The following PIK3C2B variants were observed in gnomAD, a reference collection of about 807,000 sequenced individuals.
PIK3C2B encodes the protein phosphatidylinositol-4-phosphate 3-kinase catalytic subunit type 2 beta, also known as phosphatidylinositol 4-phosphate 3-kinase C2 domain-containing subunit beta.
A neutral mutation model predicts 184.3 loss-of-function variants in PIK3C2B; 83 were observed. The ratio of observed to expected loss-of-function variants is 0.45; its 90% CI spans 0.38 to 0.54. The LOEUF is 0.54. PIK3C2B is among the 20% of genes least tolerant of loss of function. PIK3C2B has a pLI of 0.00. For missense variants in PIK3C2B, 1,736 were observed against 2,113.5 expected (o/e 0.82, Z 3.50); for synonymous variants, 779 against 837.6 (o/e 0.93, Z 1.21).
intron 10 of PIK3C2B, chr1:204,456,391 TA>T: frequency 5.4e-6 from 1 of 186,260 alleles, no homozygotes; most frequent in Non-Finnish European, 1.1e-5. Flanking sequence ...TTTGGCCAAG[TA>T]AAAGGCTGCC....
In PIK3C2B at chr1:204,445,999, T is replaced by A; in HGVS notation, c.2635A>T (p.Thr879Ser). 1 of 1,585,008 alleles carries A rather than the reference T, an allele frequency of 6.3e-7. No individual in the cohort carries two copies. The highest frequency in any genetic ancestry group is 8.6e-7 in the Non-Finnish European group (1 of 1,161,104). ...AGGGCATCCTGGTGGTTCATGTGGG[T>A]CCACTGCTTCAGGAGAACATAGATG... ...PDIYVLLKQW[T>S]HMNHQDALGL... is the part of the protein sequence containing the mutation. The change falls in exon 16 of 33, where the codon ACC (threonine) becomes TCC (serine). Residue 879 changes from threonine to serine, a missense_variant. By Grantham distance (58) the Thr-to-Ser change is moderately conservative. Around this residue, in one of 8 missense-constraint regions of PIK3C2B, gnomAD observed 609 missense variants for 699.2 expected, o/e 0.87. Coordinates refer to ENST00000684373, the MANE Select transcript of PIK3C2B (RefSeq NM_001377334.1).
At chr1:204,437,856 G>T (rs1675437370) in intron 23 of PIK3C2B, among the ~76,000 whole-genome samples, 1 of 152,190 alleles carries the variant, frequency 6.6e-6, no homozygotes, top group African/African-American at 2.4e-5. Flanking sequence ...GTGAAACGTA[G>T]GTGGAAAAGT....
At position 204,493,538 on chromosome 1, in the gene PIK3C2B, C is replaced by CACACACACACACACACACACACAT. The variant is rs1658154314; in HGVS notation, c.-85+817_-85+818insATGTGTGTGTGTGTGTGTGTGTGT. On this transcript the variant is annotated intron_variant, in intron 1 of 32. Transcript: ENST00000684373. ...CAATGGCAGAAAACACACACACACA[C>CACACACACACACACACACACACAT]ACACACACACACACACTTCAACATC... Among the ~76,000 whole-genome samples, 9 of 151,762 alleles carry CACACACACACACACACACACACAT rather than the reference C, an allele frequency of 5.9e-5. No individual in the cohort carries two copies. In the South Asian group the frequency reaches 1.5e-3, roughly 25 times the overall value.
chr1:204,455,657 T>G (rs1654787335), intron 11 of PIK3C2B, among the ~76,000 whole-genome samples, 199 bp downstream of exon 11: 1 of 152,126 alleles, frequency 6.6e-6, no homozygotes, highest in Admixed American at 6.5e-5. Context: ...CTAAGGGACC[T>G]CCTCTCTCCT....
In PIK3C2B at chr1:204,457,797, G is replaced by A; in HGVS notation, c.1644C>T (p.Thr548=). ...GGTTGAGAGCACTGGTGATCTCAGG[G>A]GTTTCCACGGCGGCCAGGGCGTTGC... is the stretch of plus-strand genomic sequence containing the variant. ...AICNALAAVE[T]PEITSALNQL... is the part of the protein sequence containing the mutation. The change falls in exon 9 of 33, where the codon ACC becomes ACT. Residue 548 remains threonine (T), a synonymous_variant. Transcript: ENST00000684373. 1 of 1,613,202 alleles carries A rather than the reference G, an allele frequency of 6.2e-7. No individual in the cohort carries two copies. Among genetic ancestry groups the A allele is most frequent in the South Asian group, 1.1e-5 (1 of 90,836 alleles).
intron 23 of PIK3C2B, among the ~76,000 whole-genome samples, chr1:204,436,921 CAT>C (rs1347252106): frequency 2.0e-5 from 3 of 152,090 alleles, no homozygotes; most frequent in Non-Finnish European, 2.9e-5. Flanking sequence ...AAATGTATAG[CAT>C]AGAGTGGCAG....
At chr1:204,492,706 AC>A (rs1219645528) in intron 1 of PIK3C2B, among the ~76,000 whole-genome samples, 4 of 152,022 alleles carry the variant, frequency 2.6e-5, no homozygotes, top group Non-Finnish European at 5.9e-5. Context: ...AGATAAACTG[AC>A]CCTTCCTCAC....
At chr1:204,488,387 A>G (rs1338758247) in intron 1 of PIK3C2B, among the ~76,000 whole-genome samples, 1 of 152,230 alleles carries the variant, frequency 6.6e-6, no homozygotes, top group African/African-American at 2.4e-5. Context: ...CCTTGCATTC[A>G]ACTAGAGAAT....
At chr1:204,428,786 T>C (rs1674882553) in intron 29 of PIK3C2B, 1 of 352,936 alleles carries the variant, frequency 2.8e-6, no homozygotes, top group Non-Finnish European at 5.7e-6. Flanking sequence ...CCTGGCATGT[T>C]ATTTATTTTA....
rs1438433695 is a variant in PIK3C2B at position 204,424,834 on chromosome 1, G to A, written c.*18C>T. On this transcript the variant is annotated 3_prime_UTR_variant, in exon 33 of 33. Transcript: ENST00000684373. ...TCCTGCCACCAGCCTGGGATGCTGG[G>A]TGGTGGCTCTGCTGGGCTCACAAGG... is the stretch of plus-strand genomic sequence containing the variant. 5 of 1,612,338 alleles carry A rather than the reference G, an allele frequency of 3.1e-6. No homozygotes were observed. Among genetic ancestry groups the A allele is most frequent in the Middle Eastern group, 1.6e-4 (1 of 6,078 alleles).
At chr1:204,441,889 G>T (rs1470202606) in intron 20 of PIK3C2B, among the ~76,000 whole-genome samples, 1 of 152,136 alleles carries the variant, frequency 6.6e-6, no homozygotes, top group East Asian at 1.9e-4. Flanking sequence ...CTCTGTAAAA[G>T]GGGACTCCCA....
intron 1 of PIK3C2B, among the ~76,000 whole-genome samples, chr1:204,484,841 AT>A (rs1052733220): frequency 2.0e-5 from 3 of 152,184 alleles, no homozygotes; most frequent in African/African-American, 4.8e-5. Flanking sequence ...ACTCAAAAAA[AT>A]AAACATAAAA....
At position 204,431,802 on chromosome 1, in the gene PIK3C2B, G is replaced by A. The variant is rs750308313; in HGVS notation, c.4156-9C>T. 12 of 1,614,008 alleles carry A rather than the reference G, an allele frequency of 7.4e-6. No homozygotes were observed. Among genetic ancestry groups the A allele is most frequent in the African/African-American group, 1.3e-5 (1 of 74,908 alleles). On this transcript the variant is annotated splice_polypyrimidine_tract_variant and intron_variant, in intron 27 of 32. Coordinates refer to ENST00000684373, the MANE Select transcript of PIK3C2B (RefSeq NM_001377334.1). ...ACCTTTACCACATATATCTGCAAAGGTCCAGATCTTAGGGTGTACCTGCCG... is the reference window on the plus strand; with the variant it reads ...ACCTTTACCACATATATCTGCAAAGATCCAGATCTTAGGGTGTACCTGCCG...
At chr1:204,431,016 C>T (rs1675026615) in intron 28 of PIK3C2B, among the ~76,000 whole-genome samples, 1 of 152,218 alleles carries the variant, frequency 6.6e-6, no homozygotes, top group Non-Finnish European at 1.5e-5. Flanking sequence ...GCCATCTTAA[C>T]CATTTTTAAG....
Position 204,443,486 on chromosome 1 carries a change from C to T in PIK3C2B, c.2979G>A (p.Gln993=), listed in dbSNP as rs1224732854. 1.2e-6 allele frequency: 2 copies of T among 1,614,252 alleles called. No individual in the cohort carries two copies. The highest frequency in any genetic ancestry group is 2.2e-5 in the East Asian group (1 of 44,884). ...GKGLREEFNR[Q]CWLVNALAKL... ...TGGCCAGGGCATTGACAAGCCAGCA[C>T]TGGCGGTTAAACTCTTCTCTCAGCC... Residue 993 remains glutamine (Q), a synonymous_variant, in exon 19 of 33, where the codon CAG becomes CAA. Transcript: ENST00000684373.
Position 204,468,852 on chromosome 1 carries a change from A to G in PIK3C2B, c.933+18T>C. 1 of 1,550,642 alleles carries G rather than the reference A, an allele frequency of 6.4e-7. No homozygotes were observed. The highest frequency in any genetic ancestry group is 8.7e-7 in the Non-Finnish European group (1 of 1,148,546). On this transcript the variant is annotated intron_variant, in intron 2 of 32. Transcript: ENST00000684373. ...ACATGGAGAAAGGAAGGCAGAAGAA[A>G]CACAAGAAGGTCCTCACCGGGGCTG...
rs376192614 is a variant in PIK3C2B at position 204,442,508 on chromosome 1, A to C, written c.3156+18T>G. 6.6e-6 allele frequency: 10 copies of C among 1,520,832 alleles called. No individual in the cohort carries two copies. The highest frequency in any genetic ancestry group is 8.9e-6 in the Non-Finnish European group (10 of 1,118,962). The allele number at this position is 1,520,832 out of a possible 1,614,324, so 94.2% of individuals were successfully genotyped here. On this transcript the variant is annotated intron_variant, in intron 20 of 32. Transcript: ENST00000684373. ...GAGCCCTCCCACTCTGAGAGCCCCA[A>C]ACCTACCAGTCACTCACCCTGGGCA... is the stretch of plus-strand genomic sequence containing the variant.
At chr1:204,427,943 T>A (rs1367547042) in intron 30 of PIK3C2B, among the ~76,000 whole-genome samples, 189 bp from the exon 31 acceptor site, 1 of 152,182 alleles carries the variant, frequency 6.6e-6, no homozygotes, top group Non-Finnish European at 1.5e-5. Flanking sequence ...ATCGACTGAA[T>A]ATCCACCCTG....
chr1:204,435,829 G>A (rs1180538418), intron 23 of PIK3C2B: 1 of 152,182 alleles, frequency 6.6e-6, no homozygotes, highest in Non-Finnish European at 1.5e-5. Flanking sequence ...GAATGGAAAG[G>A]TTATAAAGAA....
Sources: gnomAD v4.1 joint callset for allele counts (sites outside exome capture counted in the v4.1 genomes callset) on GRCh38, gnomAD v4.1.1 for gene constraint, gnomAD v4.1.1 regional missense constraint, MANE v1.5 for transcripts, NCBI Gene and HGNC (gene_info 2026-07-23, HGNC 2026-07-21) for gene names.